MTUS2: variants seen among roughly 807,000 people sequenced by gnomAD.
MTUS2 encodes microtubule-associated tumor suppressor candidate 2.
In MTUS2, 40 loss-of-function variants were observed where a neutral mutation model predicts 114.1. That is an observed-to-expected ratio of 0.35 (90% CI 0.27 to 0.46). The LOEUF is 0.46. MTUS2 is among the 20% of genes least tolerant of loss of function. The probability of loss-of-function intolerance (pLI) is 1.00; values close to 1 mark genes in which losing one functional copy is unlikely to be tolerated. For missense variants in MTUS2, 1,679 were observed against 1,705.4 expected, an observed-to-expected ratio of 0.98 and a Z score of 0.27; for synonymous variants, 688 against 672.0, an observed-to-expected ratio of 1.02 and a Z score of -0.37.
intron 5 of MTUS2, among the ~76,000 whole-genome samples, chr13:29,194,229 A>C (rs74476169): frequency 7.9e-5 from 12 of 152,038 alleles, no homozygotes; most frequent in Admixed American, 2.6e-4. Context: ...GCAACAAAAG[A>C]CAAAATTGAC....
chr13:29,124,496 T>C (rs1593502060), intron 5 of MTUS2, among the ~76,000 whole-genome samples: 1 of 152,132 alleles, frequency 6.6e-6, no homozygotes. Context: ...ACTAGAATGG[T>C]GTACCCACTA....
chr13:29,189,563 A>G (rs1469963634), intron 5 of MTUS2, among the ~76,000 whole-genome samples: 1 of 152,182 alleles, frequency 6.6e-6, no homozygotes, highest in Middle Eastern at 3.2e-3. Context: ...TGAACCAGAA[A>G]AAAAAGACAC....
At chr13:29,129,686 A>G (rs1263665694) in intron 5 of MTUS2, among the ~76,000 whole-genome samples, 1 of 152,162 alleles carries the variant, frequency 6.6e-6, no homozygotes, top group Non-Finnish European at 1.5e-5. Context: ...AGGTGATGAT[A>G]CGTGATTGTG....
At chr13:29,477,063 C>G (rs1489803333) in intron 9 of MTUS2, 1 of 152,194 alleles carries the variant, frequency 6.6e-6, no homozygotes, top group Non-Finnish European at 1.5e-5. Context: ...GAGCACTTTG[C>G]AGACAGGCCC....
In MTUS2 at chr13:29,408,905, G is replaced by A. The variant is rs866246905; in HGVS notation, c.3118-31078G>A. Among the ~76,000 whole-genome samples the A allele has an allele frequency of 4.6e-5, 7 of 152,100 alleles. No homozygotes were observed. In the South Asian group the frequency reaches 1.2e-3, roughly 27 times the overall value. On this transcript the variant is annotated intron_variant, in intron 8 of 15. Transcript: ENST00000612955. The stretch of plus-strand genomic sequence containing the variant: ...TGTGTCCAATTTGCTTATTTTTAAC[G>A]CAATTCCTCAGCAGTGAGAAACTCT...
Position 29,046,115 on chromosome 13 carries a change from G to GTT in MTUS2, c.2446+11991_2446+11992insTT, listed in dbSNP as rs1161982939. Among the ~76,000 whole-genome samples the GTT allele has an allele frequency of 7.9e-4, 28 of 35,550 alleles. No homozygotes were observed. In the South Asian group the frequency reaches 0.033, roughly 42 times the overall value. The allele number at this position is 35,550 out of a possible 152,430, so 23.3% of individuals were successfully genotyped here. A position where few individuals can be genotyped will look rare whatever the true frequency, so the allele number is the denominator to read the frequency against. ...CCACTACTGATTTCTTGGTTAGTAA[G>GTT]TATTTTTTTTTTTTTTGAGCCAGGG... On this transcript the variant is annotated intron_variant, in intron 4 of 15. Transcript: ENST00000612955.
chr13:29,485,916 C>T (rs1368461220), intron 10 of MTUS2, among the ~76,000 whole-genome samples: 1 of 130,504 alleles, frequency 7.7e-6, no homozygotes, highest in Non-Finnish European at 1.6e-5. Flanking sequence ...ACCCTCCAAA[C>T]AGTGTGTGGG....
At chr13:29,095,027 C>T (rs1221231966) in intron 4 of MTUS2, among the ~76,000 whole-genome samples, 1 of 152,024 alleles carries the variant, frequency 6.6e-6, no homozygotes, top group Admixed American at 6.5e-5. Context: ...ACAGAACATA[C>T]TTTATATCAT....
intron 5 of MTUS2, among the ~76,000 whole-genome samples, chr13:29,106,550 T>C (rs1008793994): frequency 2.6e-5 from 4 of 152,082 alleles, no homozygotes; most frequent in African/African-American, 9.7e-5. Flanking sequence ...GTAGATGGGG[T>C]TTCACCATCT....
intron 4 of MTUS2, among the ~76,000 whole-genome samples, chr13:29,072,658 C>T (rs536881660): frequency 6.0e-4 from 91 of 152,254 alleles, no homozygotes; most frequent in Non-Finnish European, 5.9e-4. Flanking sequence ...TGAATTTGCT[C>T]ACAAAAAATA....
intron 5 of MTUS2, among the ~76,000 whole-genome samples, chr13:29,165,270 G>A (rs557944832): frequency 1.4e-4 from 22 of 152,178 alleles, no homozygotes; most frequent in South Asian, 4.2e-4. Context: ...CACAGATCTC[G>A]GCTAAAGCAA....
At chr13:28,829,914 C>T (rs183587611) in intron 1 of MTUS2, among the ~76,000 whole-genome samples, 2 of 152,298 alleles carry the variant, frequency 1.3e-5, no homozygotes, top group African/African-American at 4.8e-5. Context: ...CTTAATCTGT[C>T]ATCTCAGACT....
chr13:29,033,262 T>C (rs995537508), intron 3 of MTUS2, among the ~76,000 whole-genome samples: 2 of 152,220 alleles, frequency 1.3e-5, no homozygotes, highest in Admixed American at 1.3e-4. Flanking sequence ...ATCGCCTCAC[T>C]CGAGCAGACG....
intron 5 of MTUS2, among the ~76,000 whole-genome samples, chr13:29,261,406 C>T (rs937792976): frequency 6.6e-6 from 1 of 152,190 alleles, no homozygotes; most frequent in African/African-American, 2.4e-5. Flanking sequence ...CCCTTTTCAA[C>T]ATTTGACTTG....
intron 2 of MTUS2, among the ~76,000 whole-genome samples, chr13:28,980,505 C>T (rs547269741): frequency 8.0e-4 from 122 of 152,228 alleles, no homozygotes; most frequent in African/African-American, 2.7e-3. Flanking sequence ...ATAAAAATAG[C>T]GTAGTATATA....
chr13:29,389,646 T>A (rs1413041749), intron 8 of MTUS2, among the ~76,000 whole-genome samples: 1 of 146,082 alleles, frequency 6.8e-6, no homozygotes, highest in Non-Finnish European at 1.5e-5. Context: ...TATGTGTATG[T>A]ATATACGTAT....
At chr13:28,935,110 G>C (rs1460932718) in intron 2 of MTUS2, among the ~76,000 whole-genome samples, 1 of 137,530 alleles carries the variant, frequency 7.3e-6, no homozygotes, top group African/African-American at 2.8e-5. Context: ...GCTGTACACT[G>C]TCACTTCAGC....
intron 2 of MTUS2, among the ~76,000 whole-genome samples, chr13:29,000,105 C>T (rs374421147): frequency 3.0e-4 from 45 of 152,254 alleles, no homozygotes; most frequent in African/African-American, 9.1e-4. Context: ...ATGTTTTTGA[C>T]GTATTGCTTT....
chr13:29,115,988 A>G (rs1013180854), intron 5 of MTUS2, among the ~76,000 whole-genome samples: 8 of 152,234 alleles, frequency 5.3e-5, no homozygotes, highest in African/African-American at 1.7e-4. Flanking sequence ...ACCAGGCATT[A>G]TAGGATTGTT....
Sources: allele counts gnomAD v4.1 joint callset (sites outside exome capture counted in the v4.1 genomes callset), GRCh38; gene constraint gnomAD v4.1.1; transcripts MANE v1.5; gene names NCBI Gene and HGNC (gene_info 2026-07-23, HGNC 2026-07-21).